Variants in NUP214 observed in about 807,000 individuals in gnomAD.
The protein encoded by NUP214 is nucleoporin 214, also known as nuclear pore complex protein Nup214.
Under a neutral mutation model 196.2 loss-of-function variants are expected in NUP214, and 79 were observed. The observed-to-expected ratio is 0.40, with a 90% CI of 0.34 to 0.49. The LOEUF is 0.49. Among genes scored for constraint, NUP214 ranks in the 20% least tolerant of loss-of-function variants. The probability of loss-of-function intolerance (pLI) is 0.58; values close to 1 mark genes in which losing one functional copy is unlikely to be tolerated. For missense variants in NUP214, 2,468 were observed against 2,539.0 expected (o/e 0.97, Z 0.60); for synonymous variants, 1,020 against 990.5 (o/e 1.03, Z -0.56).
chr9:131,139,510 C>T, intron 10 of NUP214, 103 bp downstream of exon 10: 1 of 1,504,400 alleles, frequency 6.6e-7, no homozygotes. Flanking sequence ...CTCTGCTGGG[C>T]ACTTGTAGCT....
chr9:131,228,026 A>G, intron 32 of NUP214, 134 bp from the exon 33 acceptor site: 1 of 839,620 alleles, frequency 1.2e-6, no homozygotes. Flanking sequence ...TAGTTCTTGC[A>G]TTTGAATTGC....
chr9:131,197,366 C>T lies in NUP214; in HGVS notation c.3872C>T (p.Ser1291Phe). 1 of 1,614,206 alleles carries T rather than the reference C, an allele frequency of 6.2e-7. No homozygotes were observed. The highest frequency in any genetic ancestry group is 8.5e-7 in the Non-Finnish European group (1 of 1,180,044). The change falls in exon 29 of 36, where the codon TCT becomes TTT. Residue 1291 changes from serine to phenylalanine, a missense_variant. This residue lies in a region of NUP214 where 1,801 missense variants were observed against 1,779.4 expected (regional missense o/e 1.01). Coordinates refer to ENST00000359428, the MANE Select transcript of NUP214 (RefSeq NM_005085.4). ...SNTTPGEPAA[S>F]SSRPVAPSGT... ...ACCACCCCAGGAGAACCTGCCGCAT[C>T]TAGCAGCAGACCTGTGGCACCTTCT... is the stretch of plus-strand genomic sequence containing the variant.
chr9:131,197,103 C>T, intron 28 of NUP214, 113 bp from the exon 29 acceptor site: 1 of 1,450,912 alleles, frequency 6.9e-7, no homozygotes, highest in Non-Finnish European at 9.3e-7. Flanking sequence ...ACAAGGCACC[C>T]TGACTCTGTA....
At chr9:131,150,875 TG>T in intron 16 of NUP214, 110 bp downstream of exon 16, 2 of 1,104,026 alleles carry the variant, frequency 1.8e-6, no homozygotes, top group Non-Finnish European at 2.5e-6. Context: ...CCAGTGTTGT[TG>T]TTTTTTTAAC....
At chr9:131,145,666 G>A (rs982401095) in intron 12 of NUP214, among the ~76,000 whole-genome samples, 4 of 152,080 alleles carry the variant, frequency 2.6e-5, no homozygotes, top group Non-Finnish European at 5.9e-5. Flanking sequence ...TTTCCTTTAG[G>A]CCATAAGTAT....
chr9:131,136,077 G>A, intron 9 of NUP214, 71 bp downstream of exon 9: 1 of 1,305,670 alleles, frequency 7.7e-7, no homozygotes, highest in South Asian at 1.2e-5. Context: ...GTCTCGCTCT[G>A]TTGTCCAGGC....
chr9:131,219,029 C>T (rs546339139), intron 31 of NUP214, among the ~76,000 whole-genome samples: 4 of 152,002 alleles, frequency 2.6e-5, no homozygotes, highest in Non-Finnish European at 4.4e-5. Context: ...CCACCATGAT[C>T]GCTCCCTCTC....
intron 4 of NUP214, 72 bp downstream of exon 4, chr9:131,129,549 G>A: frequency 2.1e-6 from 3 of 1,431,010 alleles, no homozygotes; most frequent in Non-Finnish European, 2.9e-6. Context: ...TTCTAGAAGT[G>A]AAAGTGGATA....
In NUP214 at chr9:131,127,634, C is replaced by T. The variant is rs372380897; in HGVS notation, c.156C>T (p.Phe52=). Reference sequence around the variant, plus strand: ...TGTCCAACAAATATGGTCTGGTCTTCGCTGGTGGAGCCAGTGGCTTGCAGA... The same window carrying T: ...TGTCCAACAAATATGGTCTGGTCTTTGCTGGTGGAGCCAGTGGCTTGCAGA... ...LAVSNKYGLV[F]AGGASGLQIF... The change falls in exon 2 of 36, where the codon TTC becomes TTT. Residue 52 remains phenylalanine (F), a synonymous_variant. Transcript: ENST00000359428. The T allele has an allele frequency of 1.4e-5, 22 of 1,613,930 alleles. No homozygotes were observed. Among genetic ancestry groups the T allele is most frequent in the East Asian group, 2.2e-5 (1 of 44,900 alleles).
rs192955372 is a variant in NUP214, at chr9:131,125,988, C to T, written c.45+239C>T. The T allele has an allele frequency of 1.9e-4, 106 of 558,834 alleles. No homozygotes were observed. Among genetic ancestry groups the T allele is most frequent in the African/African-American group, 1.8e-3 (92 of 51,594 alleles). The allele number at this position is 558,834 out of a possible 1,614,324, so 34.6% of individuals were successfully genotyped here. A position where few individuals can be genotyped will look rare whatever the true frequency, so the allele number is the denominator to read the frequency against. ...GAGTTACCCTAGCTACTTCCTGGGG[C>T]GGTCACAATAGTGGCAATAACTGCT... On this transcript the variant is annotated intron_variant, in intron 1 of 35. Transcript: ENST00000359428. The surrounding 1 kb of genome is among the most constrained non-coding windows in gnomAD (Gnocchi z 4.1).
intron 17 of NUP214, among the ~76,000 whole-genome samples, chr9:131,157,175 G>A (rs546080891): frequency 2.6e-4 from 38 of 145,600 alleles, no homozygotes; most frequent in African/African-American, 9.4e-4. Context: ...TTTTAATTTT[G>A]GACACGGTCT....
rs1304897331 is a variant in NUP214 at position 131,198,867 on chromosome 9, C to T, written c.5373C>T (p.Pro1791=). 2 of 1,614,184 alleles carry T rather than the reference C, an allele frequency of 1.2e-6. No homozygotes were observed. Among genetic ancestry groups the T allele is most frequent in the Non-Finnish European group, 1.7e-6 (2 of 1,180,042 alleles). ...SSSFSFGQSS[P]NTGGGLFGQS... ...CCTTCTCATTTGGACAGTCTTCTCC[C>T]AACACAGGAGGGGGGCTGTTTGGCC... Residue 1791 remains proline, a synonymous_variant, in exon 29 of 36, where the codon CCC becomes CCT. Transcript: ENST00000359428.
chr9:131,213,556 TTTTCTGTG>T (rs1175481747), intron 30 of NUP214, among the ~76,000 whole-genome samples: 1 of 152,184 alleles, frequency 6.6e-6, no homozygotes, highest in African/African-American at 2.4e-5. Flanking sequence ...ATACTGGCAA[TTTTCTGTG>T]TTTCAGCCTG....
At position 131,198,164 on chromosome 9, in the gene NUP214, G is replaced by T; in HGVS notation, c.4670G>T (p.Ser1557Ile). 6.2e-7 allele frequency: 1 copy of T among 1,614,194 alleles called. No homozygotes were observed. The highest frequency in any genetic ancestry group is 8.5e-7 in the Non-Finnish European group (1 of 1,180,028). The change falls in exon 29 of 36, where the codon AGT (serine) becomes ATT (isoleucine). Residue 1557 changes from serine (S) to isoleucine (I), a missense_variant. Transcript: ENST00000359428. ...AVSNSGTAAS[S>I]TSLVALSAEA... ...AGCAACTCTGGCACTGCAGCATCTA[G>T]TACTAGTCTTGTAGCACTTTCTGCA...
intron 8 of NUP214, 116 bp downstream of exon 8, chr9:131,135,120 C>T: frequency 1.3e-6 from 1 of 745,030 alleles, no homozygotes; most frequent in Non-Finnish European, 2.3e-6. Flanking sequence ...GGCAGGGTCT[C>T]ACTCCATTAC....
intron 30 of NUP214, among the ~76,000 whole-genome samples, chr9:131,202,105 A>C (rs1833955569): frequency 6.6e-6 from 1 of 152,138 alleles, no homozygotes; most frequent in Non-Finnish European, 1.5e-5. Context: ...TTTGGATTGT[A>C]GGCATGCACC....
At chr9:131,213,566 T>C (rs80069740) in intron 30 of NUP214, among the ~76,000 whole-genome samples, 137 of 152,346 alleles carry the variant, frequency 9.0e-4, no homozygotes, top group African/African-American at 3.2e-3. Context: ...TTTTCTGTGT[T>C]TCAGCCTGAT....
intron 5 of NUP214, among the ~76,000 whole-genome samples, chr9:131,131,632 T>C (rs925138646): frequency 1.4e-4 from 21 of 152,320 alleles, no homozygotes; most frequent in African/African-American, 4.6e-4. Context: ...AAAAAGATAA[T>C]GCAATTTTTT....
intron 21 of NUP214, among the ~76,000 whole-genome samples, chr9:131,166,852 AC>A (rs969888225): frequency 2.4e-4 from 37 of 151,806 alleles, no homozygotes; most frequent in Admixed American, 2.1e-3. Flanking sequence ...GCACCCACTT[AC>A]CCCTCACCCA....
Sources: gnomAD v4.1 joint callset for allele counts (sites outside exome capture counted in the v4.1 genomes callset) on GRCh38, gnomAD v4.1.1 for gene constraint, gnomAD v4.1.1 regional missense constraint, Gnocchi (gnomAD v3.1) non-coding constraint, MANE v1.5 for transcripts, NCBI Gene and HGNC (gene_info 2026-07-23, HGNC 2026-07-21) for gene names.